PPIL4: variants seen among roughly 807,000 people sequenced by gnomAD.
The protein encoded by PPIL4 is peptidylprolyl isomerase like 4.
In PPIL4, 50 loss-of-function variants were observed where a neutral mutation model predicts 69.1. The ratio of observed to expected loss-of-function variants is 0.72; its 90% CI spans 0.58 to 0.92. The LOEUF (loss-of-function observed/expected upper bound fraction) is 0.92, where lower values mean the gene tolerates loss of function less well. Among genes scored for constraint, PPIL4 ranks in the 40% least tolerant of loss-of-function variants. The pLI, the probability that PPIL4 is intolerant of heterozygous loss-of-function variation, is 0.00. For synonymous variants in PPIL4, 193 were observed against 191.6 expected (o/e 1.01, Z -0.06); for missense variants, 480 against 587.9 (o/e 0.82, Z 1.90).
chr6:149,516,912 T>C (rs1381719709), intron 11 of PPIL4: 1 of 152,606 alleles, frequency 6.6e-6, no homozygotes, highest in Non-Finnish European at 1.5e-5. Context: ...TTTCAGATTA[T>C]GAGGAATAGA....
intron 8 of PPIL4, 38 bp from the exon 9 acceptor site, chr6:149,525,247 A>T (rs771319952): frequency 4.3e-6 from 5 of 1,154,008 alleles, no homozygotes; most frequent in Non-Finnish European, 5.1e-6. Flanking sequence ...AAAAAAAAAA[A>T]AAAGGAAGAA....
At chr6:149,505,832 C>A in intron 12 of PPIL4, 128 bp from the exon 13 acceptor site, 1 of 707,476 alleles carries the variant, frequency 1.4e-6, no homozygotes, top group South Asian at 2.0e-5. Context: ...TGAACACTAC[C>A]ACTAATGTCA....
At chr6:149,537,848 A>C (rs975257601) in intron 4 of PPIL4, among the ~76,000 whole-genome samples, 23 of 152,352 alleles carry the variant, frequency 1.5e-4, no homozygotes, top group South Asian at 6.2e-4. Context: ...GCTCAGAACA[A>C]AGATCCTTTT....
At chr6:149,506,762 T>C (rs983895693) in intron 12 of PPIL4, among the ~76,000 whole-genome samples, 1 of 152,084 alleles carries the variant, frequency 6.6e-6, no homozygotes, top group Non-Finnish European at 1.5e-5. Flanking sequence ...ACCTGGCTAA[T>C]TTTTGTATTT....
At position 149,512,299 on chromosome 6, in the gene PPIL4, T is replaced by C; in HGVS notation, c.1083A>G (p.Thr361=). 6.2e-7 allele frequency: 1 copy of C among 1,609,080 alleles called. No homozygotes were observed. The change falls in exon 12 of 13, where the codon ACA becomes ACG. Residue 361 remains threonine, a synonymous_variant. Coordinates refer to ENST00000253329, the MANE Select transcript of PPIL4 (RefSeq NM_139126.4). ...GCTCATCTAATATAAGATCGTATTT[T>C]GTACTGCAGTAGTTAGTTAAGGATA... The part of the protein sequence containing the change: ...LKDKVKPKQD[T]KYDLILDEQA...
At chr6:149,532,601 G>A (rs1430573417) in intron 7 of PPIL4, among the ~76,000 whole-genome samples, 1 of 152,044 alleles carries the variant, frequency 6.6e-6, no homozygotes, top group Non-Finnish European at 1.5e-5. Context: ...GACAGTTGAT[G>A]GTAATATAAA....
rs951476119 is a variant in PPIL4 at position 149,531,307 on chromosome 6, G to C, written c.678+2151C>G. ...TTGAACCCGGGAGGCAGAGGTTGCA[G>C]TGAGCCAAGATCGTGCCATTGCACT... On this transcript the variant is annotated intron_variant, in intron 7 of 12. Coordinates refer to ENST00000253329, the MANE Select transcript of PPIL4 (RefSeq NM_139126.4). Among the ~76,000 whole-genome samples, 7 of 150,172 alleles carry C rather than the reference G, an allele frequency of 4.7e-5. No individual in the cohort carries two copies. In the East Asian group the frequency reaches 1.4e-3, roughly 30 times the overall value.
rs546556955 is a variant in PPIL4, at chr6:149,544,554, G to A, written c.70+1382C>T. 4.7e-4 allele frequency among the ~76,000 whole-genome samples: 72 copies of A among 152,322 alleles called. No homozygotes were observed. The South Asian group carries it at 0.012, about 26-fold the overall frequency. On this transcript the variant is annotated intron_variant, in intron 1 of 12. Transcript: ENST00000253329. ...AACAACACCAGGATAATAGGTAAATGTTAAAATAAAATGTGTCATGTGGTT... is the reference window on the plus strand; with the variant it reads ...AACAACACCAGGATAATAGGTAAATATTAAAATAAAATGTGTCATGTGGTT...
chr6:149,509,943 A>G (rs1340247777), intron 12 of PPIL4, among the ~76,000 whole-genome samples: 3 of 152,152 alleles, frequency 2.0e-5, no homozygotes, highest in African/African-American at 7.2e-5. Context: ...TAAAATTTTT[A>G]TAGAGACAGG....
At position 149,533,584 on chromosome 6, in the gene PPIL4, C is replaced by T. The variant is rs181964285; in HGVS notation, c.562-10G>A. ...CTCCTATTCGACCACTCTGTTAAGA[C>T]AGAAGTTACTCATGTATATATTTAA... is the stretch of plus-strand genomic sequence containing the variant. On this transcript the variant is annotated splice_polypyrimidine_tract_variant and intron_variant, in intron 6 of 12. Coordinates refer to ENST00000253329, the MANE Select transcript of PPIL4 (RefSeq NM_139126.4). 2.1e-6 allele frequency: 3 copies of T among 1,462,082 alleles called. No individual in the cohort carries two copies. The African/African-American group carries it at 4.2e-5, about 20-fold the overall frequency. The allele number at this position is 1,462,082 out of a possible 1,614,324, so 90.6% of individuals were successfully genotyped here. A position where few individuals can be genotyped will look rare whatever the true frequency, so the allele number is the denominator to read the frequency against.
At chr6:149,531,751 C>A (rs888123747) in intron 7 of PPIL4, among the ~76,000 whole-genome samples, 1 of 152,092 alleles carries the variant, frequency 6.6e-6, no homozygotes, top group East Asian at 1.9e-4. Context: ...CTCACAGCAA[C>A]TTTCGCCTGC....
chr6:149,530,325 T>G (rs188287862), intron 7 of PPIL4, among the ~76,000 whole-genome samples: 2 of 152,052 alleles, frequency 1.3e-5, no homozygotes, highest in Non-Finnish European at 2.9e-5. Context: ...AAAAAAAGAA[T>G]CCATGAGACA....
chr6:149,541,693 A>G (rs1777365439), intron 1 of PPIL4, 107 bp from the exon 2 acceptor site: 2 of 671,920 alleles, frequency 3.0e-6, no homozygotes, highest in African/African-American at 3.7e-5. Flanking sequence ...AAAAGAAAAA[A>G]AAAGTCAAAT....
intron 9 of PPIL4, 59 bp from the exon 10 acceptor site, chr6:149,521,230 G>C: frequency 1.0e-6 from 1 of 996,626 alleles, no homozygotes; most frequent in Admixed American, 2.2e-5. Flanking sequence ...TCTGTAGCTA[G>C]AATACTGAAA....
chr6:149,534,660 T>C lies in PPIL4; in HGVS notation c.561+18A>G. ...ATTAATATGAATGTACATTTAATCA[T>C]AAGAGGGCTTTACTTACATCTAATT... On this transcript the variant is annotated intron_variant, in intron 6 of 12. Transcript: ENST00000253329. The C allele has an allele frequency of 8.1e-7, 1 of 1,240,876 alleles. No individual in the cohort carries two copies. The highest frequency in any genetic ancestry group is 1.2e-6 in the Non-Finnish European group (1 of 859,804). The allele number at this position is 1,240,876 out of a possible 1,614,324, so 76.9% of individuals were successfully genotyped here.
At chr6:149,544,986 T>C (rs867790299) in intron 1 of PPIL4, among the ~76,000 whole-genome samples, 1 of 152,190 alleles carries the variant, frequency 6.6e-6, no homozygotes, top group African/African-American at 2.4e-5. Flanking sequence ...CCGCTGCCTA[T>C]TATCTTCTCA....
At chr6:149,535,504 C>G (rs1777262581) in intron 5 of PPIL4, 92 bp downstream of exon 5, 2 of 833,892 alleles carry the variant, frequency 2.4e-6, no homozygotes, top group Admixed American at 2.5e-5. Flanking sequence ...GAAACCAGTC[C>G]TATGCATACC....
chr6:149,540,203 G>T (rs1777339300), intron 4 of PPIL4, among the ~76,000 whole-genome samples: 1 of 152,140 alleles, frequency 6.6e-6, no homozygotes, highest in Non-Finnish European at 1.5e-5. Flanking sequence ...GTATATAGTA[G>T]AAAACAGAAG....
chr6:149,534,704 G>C lies in PPIL4; in HGVS notation c.535C>G (p.Pro179Ala). 6.3e-7 allele frequency: 1 copy of C among 1,585,736 alleles called. No homozygotes were observed. The highest frequency in any genetic ancestry group is 8.6e-7 in the Non-Finnish European group (1 of 1,158,268). The change falls in exon 6 of 13, where the codon CCA (proline) becomes GCA (alanine). Residue 179 changes from proline (P) to alanine (A), a missense_variant. Transcript: ENST00000253329. ...TCTAATTGTTCCCTTGTAGGTTCTG[G>C]TGATCGATCAGGGATTAATAAATCA... ...PPDLLIPDRS[P>A]EPTREQLDSG...
Sources: allele counts gnomAD v4.1 joint callset (sites outside exome capture counted in the v4.1 genomes callset), GRCh38; gene constraint gnomAD v4.1.1; transcripts MANE v1.5; gene names NCBI Gene and HGNC (gene_info 2026-07-23, HGNC 2026-07-21).